Variants in SSBP3 observed in about 807,000 individuals in gnomAD.
SSBP3 encodes the protein single stranded DNA binding protein 3.
In SSBP3, 5 loss-of-function variants were observed where a neutral mutation model predicts 69.6. The ratio of observed to expected loss-of-function variants is 0.07; its 90% CI spans 0.04 to 0.15. SSBP3 has a LOEUF of 0.15. SSBP3 is among the 10% of genes least tolerant of loss of function. The pLI is 1.00. For synonymous variants in SSBP3, 196 were observed against 193.4 expected (o/e 1.01, Z -0.11); for missense variants, 312 against 534.0 (o/e 0.58, Z 4.10).
chr1:54,385,222 T>A (rs956804089), intron 4 of SSBP3, among the ~76,000 whole-genome samples: 1 of 152,062 alleles, frequency 6.6e-6, no homozygotes, highest in Non-Finnish European at 1.5e-5. Flanking sequence ...GGGAGCAGGA[T>A]GAAACACATC....
At chr1:54,268,898 T>C (rs1236593502) in intron 5 of SSBP3, among the ~76,000 whole-genome samples, 3 of 152,112 alleles carry the variant, frequency 2.0e-5, no homozygotes, top group African/African-American at 7.2e-5. Context: ...AAGCCCCAGA[T>C]TCATGGGGCT....
intron 4 of SSBP3, among the ~76,000 whole-genome samples, chr1:54,348,258 G>GGGGGGA (rs1646723569): frequency 8.2e-6 from 1 of 121,926 alleles, no homozygotes; most frequent in African/African-American, 3.0e-5. Flanking sequence ...GGGGGGGGGG[G>GGGGGGA]GGCGGGTGAG....
At chr1:54,226,054 C>G (rs1382367592) in exon 18 of SSBP3, 1 of 152,258 alleles carries the variant, frequency 6.6e-6, no homozygotes, top group African/African-American at 2.4e-5. Context: ...GCGAGGATCT[C>G]GGGACCAGAA....
chr1:54,372,907 C>G (rs533139757), intron 4 of SSBP3, among the ~76,000 whole-genome samples: 1 of 152,328 alleles, frequency 6.6e-6, no homozygotes, highest in East Asian at 1.9e-4. Flanking sequence ...AGACCCTATG[C>G]CTAGTCCTCC....
At chr1:54,319,848 G>A (rs879730530) in intron 4 of SSBP3, among the ~76,000 whole-genome samples, 2 of 152,154 alleles carry the variant, frequency 1.3e-5, no homozygotes, top group Non-Finnish European at 2.9e-5. Context: ...TCTTCTCTTT[G>A]AAGGACGCAG....
chr1:54,272,301 C>G (rs1645206530), intron 5 of SSBP3, among the ~76,000 whole-genome samples: 1 of 152,074 alleles, frequency 6.6e-6, no homozygotes, highest in African/African-American at 2.4e-5. Flanking sequence ...ACCCCCAGGG[C>G]AGTGCCTGGG....
At chr1:54,404,812 G>A (rs752953338) in intron 2 of SSBP3, 46 bp downstream of exon 2, 26 of 1,017,942 alleles carry the variant, frequency 2.6e-5, no homozygotes, top group Middle Eastern at 2.2e-4. Flanking sequence ...GAATAGTGGG[G>A]GGGGGGGGTG....
chr1:54,291,721 TAAAG>T (rs1645611750), intron 4 of SSBP3, among the ~76,000 whole-genome samples: 1 of 152,120 alleles, frequency 6.6e-6, no homozygotes, highest in African/African-American at 2.4e-5. Flanking sequence ...GTTTAGCAAA[TAAAG>T]AATGATGTAG....
chr1:54,375,983 G>A (rs72665955), intron 4 of SSBP3, among the ~76,000 whole-genome samples: 15,548 of 152,146 alleles, frequency 0.1, 1,046 homozygotes, highest in East Asian at 0.28. Context: ...GGATAAGTAG[G>A]AGAGGTAGAG....
intron 4 of SSBP3, among the ~76,000 whole-genome samples, chr1:54,313,449 T>C (rs1172586652): frequency 2.0e-5 from 3 of 146,714 alleles, no homozygotes; most frequent in African/African-American, 7.7e-5. Flanking sequence ...TTTTTTTTTT[T>C]TTTTTTTTTT....
At chr1:54,308,181 CG>C (rs1029311492) in intron 4 of SSBP3, among the ~76,000 whole-genome samples, 6 of 152,120 alleles carry the variant, frequency 3.9e-5, no homozygotes, top group Non-Finnish European at 8.8e-5. Context: ...AAGAAGAGGC[CG>C]GGTGCTGACA....
At chr1:54,240,730 T>C (rs776767000) in intron 13 of SSBP3, among the ~76,000 whole-genome samples, 175 bp downstream of exon 13, 5 of 151,638 alleles carry the variant, frequency 3.3e-5, no homozygotes, top group Non-Finnish European at 7.4e-5. Flanking sequence ...ATCAGAGGAG[T>C]AGGTTAGTGT....
chr1:54,241,081 T>G, intron 12 of SSBP3, 122 bp from the exon 13 acceptor site: 1 of 1,058,984 alleles, frequency 9.4e-7, no homozygotes, highest in Non-Finnish European at 1.4e-6. Flanking sequence ...CTATTCATCT[T>G]GCTACACCCC....
At chr1:54,356,782 T>A (rs1268079644) in intron 4 of SSBP3, 1 of 152,214 alleles carries the variant, frequency 6.6e-6, no homozygotes, top group Non-Finnish European at 1.5e-5. Context: ...CTACAAGTCA[T>A]CGGGTGTCCA....
intron 4 of SSBP3, among the ~76,000 whole-genome samples, chr1:54,398,290 T>C (rs1228781044): frequency 6.6e-6 from 1 of 152,228 alleles, no homozygotes; most frequent in East Asian, 1.9e-4. Flanking sequence ...TATAAAAAAG[T>C]ACAGCAGGTA....
chr1:54,244,039 C>G lies in SSBP3; in HGVS notation c.652-740G>C, dbSNP rs546368824. ...TGACCTCCTGGGCTCAAGCAATCCT[C>G]CCACCTGAGCCTCTCATGTAGTTGG... On this transcript the variant is annotated intron_variant, in intron 9 of 17. Transcript: ENST00000610401. Among the ~76,000 whole-genome samples the G allele has an allele frequency of 7.2e-5, 11 of 152,296 alleles. No individual in the cohort carries two copies. In the East Asian group the frequency reaches 1.9e-3, roughly 27 times the overall value.
intron 5 of SSBP3, among the ~76,000 whole-genome samples, chr1:54,276,467 C>T (rs543033009): frequency 1.8e-4 from 27 of 151,836 alleles, no homozygotes; most frequent in African/African-American, 5.1e-4. Context: ...AAAAATTAGC[C>T]GGGCATGGTG....
In SSBP3 at chr1:54,291,074, C is replaced by T. The variant is rs149015828; in HGVS notation, c.277-9547G>A. 3.4e-4 allele frequency among the ~76,000 whole-genome samples: 52 copies of T among 152,328 alleles called. No homozygotes were observed. In the East Asian group the frequency reaches 8.7e-3, roughly 25 times the overall value. ...TGGAAAATTCCCTGGCGTGGACCCG[C>T]GCACACGCTCAGTTCCAATGACAAC... On this transcript the variant is annotated intron_variant, in intron 4 of 17. Transcript: ENST00000610401.
chr1:54,294,115 C>G (rs1202263964), intron 4 of SSBP3, among the ~76,000 whole-genome samples: 1 of 122,054 alleles, frequency 8.2e-6, no homozygotes, highest in African/African-American at 3.2e-5. Flanking sequence ...TGCACTCCAG[C>G]TGGGGTGACA....
Sources: gnomAD v4.1 joint callset for allele counts (sites outside exome capture counted in the v4.1 genomes callset) on GRCh38, gnomAD v4.1.1 for gene constraint, MANE v1.5 for transcripts, NCBI Gene and HGNC (gene_info 2026-07-23, HGNC 2026-07-21) for gene names.